ZMYM2: variants seen among roughly 807,000 people sequenced by gnomAD.
ZMYM2 encodes the protein zinc finger MYM-type containing 2.
A neutral mutation model predicts 162.8 loss-of-function variants in ZMYM2; 56 were observed. The ratio of observed to expected loss-of-function variants is 0.34; its 90% CI spans 0.28 to 0.43. The LOEUF (loss-of-function observed/expected upper bound fraction) is 0.43, where lower values mean the gene tolerates loss of function less well. ZMYM2 is among the 20% of genes least tolerant of loss of function. ZMYM2 has a pLI of 1.00. For synonymous variants in ZMYM2, 510 were observed against 541.6 expected, an observed-to-expected ratio of 0.94 and a Z score of 0.81; for missense variants, 1,275 against 1,621.8, an observed-to-expected ratio of 0.79 and a Z score of 3.67.
chr13:20,064,314 C>G (rs1483783586), intron 18 of ZMYM2, 137 bp from the exon 19 acceptor site: 6 of 517,948 alleles, frequency 1.2e-5, no homozygotes. Flanking sequence ...TACAATGAGT[C>G]ATTTACTCCC....
chr13:20,044,324 G>T (rs1223766762), intron 12 of ZMYM2, among the ~76,000 whole-genome samples: 1 of 152,194 alleles, frequency 6.6e-6, no homozygotes, highest in African/African-American at 2.4e-5. Context: ...CCCAGAGCAG[G>T]TTGCTCTCTG....
At chr13:19,870,401 G>A in the ZMYM2 span, among the ~76,000 whole-genome samples, 2 of 151,954 alleles carry the variant, frequency 1.3e-5, no homozygotes, top group Non-Finnish European at 2.9e-5. Context: ...GCTTCCCAAA[G>A]TGCTGGGATT....
rs185815840 is a variant in ZMYM2, at chr13:20,051,382, A to C, written c.2293-51A>C. 8.8e-5 allele frequency: 140 copies of C among 1,586,000 alleles called. No individual in the cohort carries two copies. In the African/African-American group the frequency reaches 1.4e-3, roughly 16 times the overall value. ...GCAATAATCACTGATAAACTTCTGG[A>C]AATCTTCAAAAATAATTTGCAATAT... On this transcript the variant is annotated intron_variant, in intron 12 of 24. Transcript: ENST00000610343.
At chr13:20,062,037 C>T (rs2140796451) in intron 17 of ZMYM2, among the ~76,000 whole-genome samples, 1 of 152,162 alleles carries the variant, frequency 6.6e-6, no homozygotes, top group South Asian at 2.1e-4. Context: ...ATTTATTTTC[C>T]ACCCTTAACC....
At chr13:20,045,267 AT>A (rs1954664737) in intron 12 of ZMYM2, among the ~76,000 whole-genome samples, 1 of 152,136 alleles carries the variant, frequency 6.6e-6, no homozygotes. Context: ...TAACTAGCAT[AT>A]TGTAAATAAA....
the ZMYM2 span, among the ~76,000 whole-genome samples, chr13:19,915,582 C>A: frequency 6.6e-6 from 1 of 151,928 alleles, no homozygotes; most frequent in African/African-American, 2.4e-5. Flanking sequence ...CAGCTCAAAG[C>A]AACATCCGCC....
At chr13:19,892,625 G>C in the ZMYM2 span, among the ~76,000 whole-genome samples, 1 of 151,510 alleles carries the variant, frequency 6.6e-6, no homozygotes, top group East Asian at 1.9e-4. Context: ...TGTTTTTGTG[G>C]GAATTACATT....
upstream of ZMYM2, chr13:19,958,648 C>G (rs1245714030): frequency 6.6e-6 from 1 of 152,476 alleles, no homozygotes; most frequent in African/African-American, 2.4e-5. Flanking sequence ...GCGCTCCGGC[C>G]AGCCTTCCCC....
chr13:20,052,335 C>T, intron 14 of ZMYM2, 24 bp downstream of exon 14: 1 of 1,559,798 alleles, frequency 6.4e-7, no homozygotes, highest in Admixed American at 1.9e-5. Flanking sequence ...AAATGGAGTG[C>T]TGAATTGTGA....
chr13:19,949,103 C>CAA, the ZMYM2 span, among the ~76,000 whole-genome samples: 73,078 of 148,662 alleles, frequency 0.49, 19,247 homozygotes, highest in South Asian at 0.62. Flanking sequence ...CTTATCTTCA[C>CAA]AAAAAAAAAA....
At chr13:19,947,298 G>A in the ZMYM2 span, among the ~76,000 whole-genome samples, 1 of 152,002 alleles carries the variant, frequency 6.6e-6, no homozygotes, top group Non-Finnish European at 1.5e-5. Flanking sequence ...CTGACCTCAT[G>A]ATCTGTCAGC....
chr13:19,969,576 CAAGAT>C (rs1242596930), intron 2 of ZMYM2, among the ~76,000 whole-genome samples: 1 of 152,022 alleles, frequency 6.6e-6, no homozygotes, highest in African/African-American at 2.4e-5. Flanking sequence ...AAGTATAACT[CAAGAT>C]ATGAAGGAAG....
At chr13:19,911,069 A>C in the ZMYM2 span, among the ~76,000 whole-genome samples, 1 of 123,118 alleles carries the variant, frequency 8.1e-6, no homozygotes, top group African/African-American at 3.1e-5. Flanking sequence ...TTTTTTTGAG[A>C]CAGAGTCTCA....
At position 20,033,104 on chromosome 13, in the gene ZMYM2, A is replaced by C. The variant is rs575773260; in HGVS notation, c.1969-1150A>C. 9.2e-5 allele frequency among the ~76,000 whole-genome samples: 14 copies of C among 152,262 alleles called. No individual in the cohort carries two copies. In the South Asian group the frequency reaches 2.9e-3, roughly 32 times the overall value. ...TAACCTTTAAGTAACAGCAGTAAGA[A>C]TGAAGGCCCAGTAAGAGGTAATAAA... On this transcript the variant is annotated intron_variant, in intron 10 of 24. Coordinates refer to ENST00000610343, the MANE Select transcript of ZMYM2 (RefSeq NM_197968.4).
chr13:19,892,949 G>A, the ZMYM2 span, among the ~76,000 whole-genome samples: 1 of 151,216 alleles, frequency 6.6e-6, no homozygotes, highest in East Asian at 2.0e-4. Context: ...TCATGACCTC[G>A]TGTTCCGCCC....
chr13:20,062,824 T>C (rs1249395396), intron 17 of ZMYM2, 22 bp from the exon 18 acceptor site: 6 of 1,537,222 alleles, frequency 3.9e-6, no homozygotes, highest in Non-Finnish European at 5.3e-6. Context: ...TGATTCCTAA[T>C]GATAATATGG....
At chr13:19,889,944 GC>G in the ZMYM2 span, among the ~76,000 whole-genome samples, 2 of 151,688 alleles carry the variant, frequency 1.3e-5, no homozygotes, top group Non-Finnish European at 2.9e-5. Context: ...GATGCTGATA[GC>G]TCAAGCGTAT....
At position 20,052,291 on chromosome 13, in the gene ZMYM2, A is replaced by T. The variant is rs1955430856; in HGVS notation, c.2473A>T (p.Thr825Ser). The change falls in exon 14 of 25, where the codon ACA becomes TCA. Residue 825 changes from threonine to serine, a missense_variant. By Grantham distance (58) the Thr-to-Ser change is moderately conservative. This residue lies in a region of ZMYM2 where 177 missense variants were observed against 228.0 expected (regional missense o/e 0.78). Transcript: ENST00000610343. ...ENLHYDQGCQ[T>S]SRTKMTGSAP... ...GTGTTTTTTAGATCAGGGTTGTCAGACATCTCGAACCAAAATGACAGTAAG... is the reference window on the plus strand; with the variant it reads ...GTGTTTTTTAGATCAGGGTTGTCAGTCATCTCGAACCAAAATGACAGTAAG... The T allele has an allele frequency of 1.9e-6, 3 of 1,569,578 alleles. No individual in the cohort carries two copies. Among genetic ancestry groups the T allele is most frequent in the Non-Finnish European group, 2.6e-6 (3 of 1,156,374 alleles).
the ZMYM2 span, among the ~76,000 whole-genome samples, chr13:19,883,352 C>G: frequency 6.6e-6 from 1 of 152,142 alleles, no homozygotes; most frequent in East Asian, 1.9e-4. Flanking sequence ...TGTGAATATA[C>G]TAAATGTCAC....
Sources: gnomAD v4.1 joint callset for allele counts (sites outside exome capture counted in the v4.1 genomes callset) on GRCh38, gnomAD v4.1.1 for gene constraint, gnomAD v4.1.1 regional missense constraint, MANE v1.5 for transcripts, NCBI Gene and HGNC (gene_info 2026-07-23, HGNC 2026-07-21) for gene names.